Variants in GRM8 observed in about 807,000 individuals in gnomAD.
GRM8 encodes the protein metabotropic glutamate receptor 8.
A neutral mutation model predicts 87.2 loss-of-function variants in GRM8; 47 were observed. The observed-to-expected ratio is 0.54, with a 90% CI of 0.43 to 0.69. The LOEUF is 0.69. Among genes scored for constraint, GRM8 ranks in the 30% least tolerant of loss-of-function variants. The pLI is 0.00. For synonymous variants in GRM8, 396 were observed against 404.5 expected (o/e 0.98, Z 0.25); for missense variants, 1,019 against 1,139.2 (o/e 0.89, Z 1.52).
At chr7:127,024,406 T>A (rs1029368482) in intron 3 of GRM8, among the ~76,000 whole-genome samples, 10 of 152,174 alleles carry the variant, frequency 6.6e-5, no homozygotes, top group African/African-American at 2.4e-4. Flanking sequence ...TGGGGCCTAT[T>A]CTGTATTCAT....
rs73722630 is a variant in GRM8, at chr7:126,495,647, C to G, written c.2430+37305G>C. 4.3e-3 allele frequency among the ~76,000 whole-genome samples: 659 copies of G among 151,918 alleles called. 1 individual carries two copies. Among genetic ancestry groups the G allele is most frequent in the African/African-American group, 0.015 (636 of 41,456 alleles). ...TTAAATTATTATTTTTCATCTGGTC[C>G]TCATCATTAGGGGTATCAAAAGTTT... On this transcript the variant is annotated intron_variant, in intron 9 of 10. Coordinates refer to ENST00000339582, the MANE Select transcript of GRM8 (RefSeq NM_000845.3).
chr7:126,872,105 A>G (rs1414300559), intron 6 of GRM8, among the ~76,000 whole-genome samples: 1 of 152,146 alleles, frequency 6.6e-6, no homozygotes, highest in African/African-American at 2.4e-5. Context: ...TCTTGGCATG[A>G]AAGCTACTCC....
intron 6 of GRM8, among the ~76,000 whole-genome samples, chr7:126,808,190 A>G (rs1254649000): frequency 6.6e-6 from 1 of 152,232 alleles, no homozygotes; most frequent in Non-Finnish European, 1.5e-5. Context: ...CCTGAGTTAC[A>G]ATATCATACA....
At chr7:126,550,765 G>A (rs941380581) in intron 8 of GRM8, among the ~76,000 whole-genome samples, 8 of 151,378 alleles carry the variant, frequency 5.3e-5, no homozygotes, top group African/African-American at 1.9e-4. Context: ...TAGAGGGTAG[G>A]CACAAATGAT....
chr7:126,796,265 A>G (rs940583910), intron 6 of GRM8, among the ~76,000 whole-genome samples: 2 of 152,122 alleles, frequency 1.3e-5, no homozygotes, highest in African/African-American at 4.8e-5. Context: ...ATTTCCTTAA[A>G]AGGTATATTC....
chr7:126,724,640 C>A (rs1266259745), intron 7 of GRM8, among the ~76,000 whole-genome samples: 1 of 151,830 alleles, frequency 6.6e-6, no homozygotes. Flanking sequence ...ATCCATTTAT[C>A]TTCTTTATGG....
chr7:126,579,899 C>A (rs1229313954), intron 8 of GRM8, among the ~76,000 whole-genome samples: 4 of 151,690 alleles, frequency 2.6e-5, no homozygotes, highest in Non-Finnish European at 5.9e-5. Context: ...CTTAAAAGGT[C>A]CCTAAATTCC....
chr7:126,658,614 G>C (rs737702), intron 7 of GRM8, among the ~76,000 whole-genome samples: 103,555 of 151,198 alleles, frequency 0.68, 36,196 homozygotes, highest in African/African-American at 0.82. Context: ...TCTGTTAACA[G>C]TTTATAAGAA....
At chr7:126,677,219 T>C (rs985862285) in intron 7 of GRM8, among the ~76,000 whole-genome samples, 1 of 152,158 alleles carries the variant, frequency 6.6e-6, no homozygotes, top group African/African-American at 2.4e-5. Context: ...GGCACAGATG[T>C]AGTGAAAGGG....
rs138673431 is a variant in GRM8 at position 126,498,268 on chromosome 7, T to C, written c.2430+34684A>G. 9.9e-5 allele frequency among the ~76,000 whole-genome samples: 15 copies of C among 152,058 alleles called. No individual in the cohort carries two copies. The East Asian group carries it at 2.9e-3, about 30-fold the overall frequency. On this transcript the variant is annotated intron_variant, in intron 9 of 10. Transcript: ENST00000339582. ...ATATTTGTACCTAGAAAACTGTTTC[T>C]TATAAAGAAAGGAAAAAAGAAACAT...
chr7:126,738,226 G>A (rs1814458982), intron 7 of GRM8, among the ~76,000 whole-genome samples: 1 of 152,070 alleles, frequency 6.6e-6, no homozygotes, highest in Admixed American at 6.6e-5. Flanking sequence ...GCAGGATGCT[G>A]AAAGCTGCAG....
At position 126,969,740 on chromosome 7, in the gene GRM8, A is replaced by G. The variant is rs116478475; in HGVS notation, c.728-65057T>C. ...ACAAATGTTCTTACTGGCATTTAGA[A>G]TGATGAATTTTTTCCAGGAGTCTTC... On this transcript the variant is annotated intron_variant, in intron 3 of 10. Transcript: ENST00000339582. Among the ~76,000 whole-genome samples, 1,214 of 152,282 alleles carry G rather than the reference A, an allele frequency of 8.0e-3. 10 individuals carry two copies. Among genetic ancestry groups the G allele is most frequent in the African/African-American group, 0.028 (1,169 of 41,572 alleles).
At chr7:127,038,182 C>A (rs1183941168) in intron 3 of GRM8, among the ~76,000 whole-genome samples, 1 of 152,110 alleles carries the variant, frequency 6.6e-6, no homozygotes, top group Non-Finnish European at 1.5e-5. Context: ...AGCTTATACT[C>A]CTTTTGTTTT....
intron 3 of GRM8, among the ~76,000 whole-genome samples, chr7:126,978,539 A>G (rs1281523458): frequency 1.3e-5 from 2 of 152,210 alleles, no homozygotes; most frequent in African/African-American, 4.8e-5. Flanking sequence ...TAGACTCTCT[A>G]AGGGTACCTT....
Position 127,243,223 on chromosome 7 carries a change from T to G in GRM8, c.-19A>C, listed in dbSNP as rs762260835. The G allele has an allele frequency of 6.3e-6, 10 of 1,589,964 alleles. No individual in the cohort carries two copies. The East Asian group carries it at 2.0e-4, about 32-fold the overall frequency. ...ATACCATTTTCTCCACAGGTGGTATTGCAATCCAAGACCCAAAGTTTATTC... is the reference window on the plus strand; with the variant it reads ...ATACCATTTTCTCCACAGGTGGTATGGCAATCCAAGACCCAAAGTTTATTC... On this transcript the variant is annotated 5_prime_UTR_variant, in exon 2 of 11. Coordinates refer to ENST00000339582, the MANE Select transcript of GRM8 (RefSeq NM_000845.3).
At chr7:126,867,747 G>C (rs755234112) in intron 6 of GRM8, among the ~76,000 whole-genome samples, 1 of 152,144 alleles carries the variant, frequency 6.6e-6, no homozygotes, top group Non-Finnish European at 1.5e-5. Context: ...GAGGTGAAAG[G>C]AGGAGACAAG....
intron 8 of GRM8, among the ~76,000 whole-genome samples, chr7:126,581,157 A>AAAAAAAT (rs895270340): frequency 6.6e-6 from 1 of 151,960 alleles, no homozygotes; most frequent in Admixed American, 6.6e-5. Flanking sequence ...CAATTTTTAG[A>AAAAAAAT]AAAAAATAAA....
intron 3 of GRM8, among the ~76,000 whole-genome samples, chr7:127,062,859 T>G (rs1820751686): frequency 6.6e-6 from 1 of 152,318 alleles, no homozygotes. Context: ...AGCAGTAATA[T>G]TCCCTTCATC....
At chr7:126,610,363 T>A (rs1798798183) in intron 7 of GRM8, among the ~76,000 whole-genome samples, 1 of 152,140 alleles carries the variant, frequency 6.6e-6, no homozygotes, top group African/African-American at 2.4e-5. Flanking sequence ...TACATTTTTT[T>A]ATTATTATTA....
Sources: gnomAD v4.1 joint callset for allele counts (sites outside exome capture counted in the v4.1 genomes callset) on GRCh38, gnomAD v4.1.1 for gene constraint, MANE v1.5 for transcripts, NCBI Gene and HGNC (gene_info 2026-07-23, HGNC 2026-07-21) for gene names.